The following ZHX2 variants were observed in gnomAD, a reference collection of about 807,000 sequenced individuals.
The protein encoded by ZHX2 is zinc fingers and homeoboxes protein 2.
In ZHX2, 6 loss-of-function variants were observed where a neutral mutation model predicts 21.9. That is an observed-to-expected ratio of 0.27 (90% CI 0.15 to 0.54). The LOEUF (loss-of-function observed/expected upper bound fraction) is 0.54. ZHX2 is among the 20% of genes least tolerant of loss of function. The pLI, the probability that ZHX2 is intolerant of heterozygous loss-of-function variation, is 0.95. For synonymous variants in ZHX2, 434 were observed against 437.1 expected (o/e 0.99, Z 0.09); for missense variants, 908 against 1,090.7 (o/e 0.83, Z 2.36).
At chr8:122,904,908 A>T (rs12156154) in intron 2 of ZHX2, among the ~76,000 whole-genome samples, 2,484 of 152,344 alleles carry the variant, frequency 0.016, 43 homozygotes, top group Non-Finnish European at 0.022. Flanking sequence ...AAATATAAAC[A>T]TGCTTCAAAC....
At chr8:122,955,888 A>T (rs186907319) in intron 3 of ZHX2, among the ~76,000 whole-genome samples, 1 of 127,602 alleles carries the variant, frequency 7.8e-6, no homozygotes, top group Non-Finnish European at 1.6e-5. Flanking sequence ...TCTGTTGCCC[A>T]GGCTGGAATG....
At chr8:122,916,139 G>C (rs554609194) in intron 2 of ZHX2, among the ~76,000 whole-genome samples, 3 of 152,202 alleles carry the variant, frequency 2.0e-5, no homozygotes, top group Non-Finnish European at 4.4e-5. Flanking sequence ...CAGAGCATCC[G>C]CCTGGCTCTT....
chr8:122,969,728 CA>C (rs1056050767), intron 3 of ZHX2, among the ~76,000 whole-genome samples: 5 of 151,738 alleles, frequency 3.3e-5, no homozygotes, highest in Non-Finnish European at 7.4e-5. Context: ...CTACACCTCT[CA>C]AAAAAAATGT....
chr8:122,826,794 C>T (rs1332152130), intron 1 of ZHX2, among the ~76,000 whole-genome samples: 1 of 151,958 alleles, frequency 6.6e-6, no homozygotes, highest in African/African-American at 2.4e-5. Flanking sequence ...GAGAGAGAAC[C>T]CAGAGAGACT....
intron 2 of ZHX2, among the ~76,000 whole-genome samples, chr8:122,866,161 T>C (rs1819290347): frequency 6.6e-6 from 1 of 152,158 alleles, no homozygotes; most frequent in Non-Finnish European, 1.5e-5. Context: ...AATATTCCAT[T>C]GATACAGATG....
chr8:122,956,486 G>A (rs1377899476), intron 3 of ZHX2, among the ~76,000 whole-genome samples: 1 of 151,990 alleles, frequency 6.6e-6, no homozygotes, highest in East Asian at 1.9e-4. Context: ...GCTTCTTGGA[G>A]GAAGGGACAT....
chr8:122,853,530 C>A (rs1818952648), intron 1 of ZHX2, among the ~76,000 whole-genome samples: 1 of 152,186 alleles, frequency 6.6e-6, no homozygotes, highest in Admixed American at 6.5e-5. Context: ...TGTGCATGCA[C>A]CCCTGCAGCC....
chr8:122,791,073 A>G (rs1382747370), intron 1 of ZHX2, among the ~76,000 whole-genome samples: 1 of 152,214 alleles, frequency 6.6e-6, no homozygotes, highest in Non-Finnish European at 1.5e-5. Flanking sequence ...TGGCTCCAGC[A>G]AAAGGGCTGT....
intron 1 of ZHX2, among the ~76,000 whole-genome samples, chr8:122,860,239 G>A (rs934253800): frequency 6.6e-6 from 1 of 152,156 alleles, no homozygotes; most frequent in Admixed American, 6.5e-5. Flanking sequence ...GGAAAACCAC[G>A]CTCATGATTC....
At chr8:122,780,989 T>G (rs760435820), upstream of ZHX2, 6 of 152,212 alleles carry the variant, frequency 3.9e-5, no homozygotes, top group Non-Finnish European at 7.3e-5. Flanking sequence ...TTCAAGTCGT[T>G]ATATAAGTGG....
intron 1 of ZHX2, among the ~76,000 whole-genome samples, chr8:122,807,513 AG>A (rs1817846875): frequency 6.6e-6 from 1 of 152,178 alleles, no homozygotes; most frequent in African/African-American, 2.4e-5. Context: ...CTTTTACTTT[AG>A]ATGGAGAATT....
At chr8:122,919,821 A>C (rs7832429) in intron 2 of ZHX2, among the ~76,000 whole-genome samples, 34,471 of 152,124 alleles carry the variant, frequency 0.23, 3,940 homozygotes, top group Middle Eastern at 0.33. Context: ...AAACAAAATA[A>C]AACCACTTTT....
At chr8:122,844,660 C>A (rs1458304118) in intron 1 of ZHX2, among the ~76,000 whole-genome samples, 2 of 152,180 alleles carry the variant, frequency 1.3e-5, no homozygotes, top group Admixed American at 6.5e-5. Context: ...AGAGCACCCC[C>A]ATCAGCTTCT....
intron 1 of ZHX2, among the ~76,000 whole-genome samples, chr8:122,824,707 A>G (rs1312446969): frequency 6.6e-6 from 1 of 152,192 alleles, no homozygotes; most frequent in Non-Finnish European, 1.5e-5. Context: ...TTAGTTTTCT[A>G]TGGCTGCTGT....
intron 2 of ZHX2, among the ~76,000 whole-genome samples, chr8:122,890,894 A>G (rs1586364751): frequency 6.6e-6 from 1 of 152,160 alleles, no homozygotes; most frequent in East Asian, 1.9e-4. Context: ...AGATCATGTC[A>G]TCTTCAAACA....
chr8:122,901,266 C>T (rs1820223373), intron 2 of ZHX2, among the ~76,000 whole-genome samples: 1 of 152,096 alleles, frequency 6.6e-6, no homozygotes, highest in African/African-American at 2.4e-5. Context: ...GTCTGTCTAC[C>T]ACTACCCAAC....
chr8:122,824,365 C>G (rs762006924), intron 1 of ZHX2, among the ~76,000 whole-genome samples: 17 of 152,148 alleles, frequency 1.1e-4, no homozygotes, highest in African/African-American at 4.1e-4. Context: ...ACAAACAGGG[C>G]CTAGGAAATG....
intron 2 of ZHX2, 150 bp from the exon 3 acceptor site, chr8:122,951,142 G>A (rs147826256): frequency 1.3e-4 from 24 of 181,188 alleles, no homozygotes; most frequent in East Asian, 4.4e-4. Context: ...GTGATTTTTC[G>A]TGTTTCTAAG....
intron 1 of ZHX2, among the ~76,000 whole-genome samples, chr8:122,835,694 C>T (rs556472885): frequency 4.6e-5 from 7 of 152,098 alleles, no homozygotes; most frequent in Non-Finnish European, 8.8e-5. Flanking sequence ...AAGAGAAAGG[C>T]GATCAGGGTG....
Sources: gnomAD v4.1 joint callset for allele counts (sites outside exome capture counted in the v4.1 genomes callset) on GRCh38, gnomAD v4.1.1 for gene constraint, MANE v1.5 for transcripts, NCBI Gene and HGNC (gene_info 2026-07-23, HGNC 2026-07-21) for gene names.